SND1: variants seen among roughly 807,000 people sequenced by gnomAD.
SND1 encodes the protein staphylococcal nuclease domain-containing protein 1.
Under a neutral mutation model 121.7 loss-of-function variants are expected in SND1, and 38 were observed. The ratio of observed to expected loss-of-function variants is 0.31; its 90% CI spans 0.24 to 0.41. SND1 has a LOEUF of 0.41. SND1 is among the 10% of genes least tolerant of loss of function. The pLI is 1.00. For synonymous variants in SND1, 401 were observed against 447.4 expected (o/e 0.90, Z 1.31); for missense variants, 868 against 1,184.6 (o/e 0.73, Z 3.92).
intron 14 of SND1, among the ~76,000 whole-genome samples, chr7:127,905,088 G>A (rs1243427810): frequency 6.6e-6 from 1 of 152,096 alleles, no homozygotes; most frequent in African/African-American, 2.4e-5. Context: ...TTTTGAGTTT[G>A]GAAGGTAGTT....
chr7:127,775,057 T>C (rs1478314407), intron 10 of SND1, among the ~76,000 whole-genome samples: 1 of 152,186 alleles, frequency 6.6e-6, no homozygotes, highest in Non-Finnish European at 1.5e-5. Context: ...TGTGTTCTGA[T>C]AAAAATAAGT....
intron 15 of SND1, among the ~76,000 whole-genome samples, chr7:127,962,785 T>A (rs879780988): frequency 2.6e-5 from 4 of 152,178 alleles, no homozygotes; most frequent in Non-Finnish European, 5.9e-5. Flanking sequence ...TTGTCATAGT[T>A]ACAGACTGTG....
intron 16 of SND1, among the ~76,000 whole-genome samples, chr7:128,047,209 A>G (rs1792964512): frequency 6.6e-6 from 1 of 152,212 alleles, no homozygotes; most frequent in Admixed American, 6.5e-5. Context: ...ACGAGAAAAA[A>G]GGATGGGCAC....
chr7:127,759,479 C>G (rs1402659982), intron 10 of SND1, among the ~76,000 whole-genome samples: 2 of 152,066 alleles, frequency 1.3e-5, no homozygotes. Flanking sequence ...CCATTTCTTG[C>G]TTTGTGGGAT....
intron 9 of SND1, among the ~76,000 whole-genome samples, chr7:127,712,675 T>C (rs990320410): frequency 2.6e-5 from 4 of 152,212 alleles, no homozygotes; most frequent in Non-Finnish European, 4.4e-5. Context: ...TGGAGTAAGT[T>C]ACTACTCATC....
At chr7:127,791,628 C>T (rs1349569255) in intron 10 of SND1, among the ~76,000 whole-genome samples, 1 of 152,180 alleles carries the variant, frequency 6.6e-6, no homozygotes, top group African/African-American at 2.4e-5. Flanking sequence ...TTTCCCTTTT[C>T]CCCTTCTCTT....
chr7:127,951,015 C>CA (rs1164242885), intron 15 of SND1, among the ~76,000 whole-genome samples: 12 of 151,930 alleles, frequency 7.9e-5, no homozygotes, highest in South Asian at 2.1e-4. Context: ...GGAGATTCCT[C>CA]AAAAAAAATT....
intron 16 of SND1, among the ~76,000 whole-genome samples, chr7:128,035,408 C>G (rs1792730081): frequency 6.6e-6 from 1 of 152,210 alleles, no homozygotes; most frequent in Admixed American, 6.5e-5. Flanking sequence ...TGGAGCAGAG[C>G]AAATCGGACT....
chr7:127,723,462 G>A (rs1796531113), intron 10 of SND1, among the ~76,000 whole-genome samples: 1 of 151,926 alleles, frequency 6.6e-6, no homozygotes, highest in Non-Finnish European at 1.5e-5. Flanking sequence ...GTAAGACTTA[G>A]CTGCAATAAT....
At chr7:127,973,632 C>T (rs1000643594) in intron 15 of SND1, among the ~76,000 whole-genome samples, 1 of 152,214 alleles carries the variant, frequency 6.6e-6, no homozygotes, top group African/African-American at 2.4e-5. Context: ...CAGCCACACC[C>T]ATTCACTGCT....
In SND1 at chr7:127,922,175, C is replaced by CTTTTTTTTTTTTTTTTTTTTTTTTT. The variant is rs1158535023; in HGVS notation, c.1528-7009_1528-6985dup. Among the ~76,000 whole-genome samples, 10 of 57,194 alleles carry CTTTTTTTTTTTTTTTTTTTTTTTTT rather than the reference C, an allele frequency of 1.7e-4. 1 individual carries two copies. The highest frequency in any genetic ancestry group is 2.1e-4 in the Non-Finnish European group (7 of 32,956). 37.5% of individuals were successfully genotyped at this position (57,194 alleles called of 152,430 possible). ...CCAGCTGATTTTCTTTTTTTCTTTC[C>CTTTTTTTTTTTTTTTTTTTTTTTTT]TTTTTTTTTTTTTTTTTTTTTTTTT... is the stretch of plus-strand genomic sequence containing the variant. On this transcript the variant is annotated intron_variant, in intron 14 of 23. Coordinates refer to ENST00000354725, the MANE Select transcript of SND1 (RefSeq NM_014390.4).
At chr7:127,758,726 T>C (rs1050864120) in intron 10 of SND1, among the ~76,000 whole-genome samples, 2 of 152,116 alleles carry the variant, frequency 1.3e-5, no homozygotes, top group African/African-American at 4.8e-5. Context: ...GACATAGCAA[T>C]TTTCAAAGGG....
chr7:127,922,861 T>C (rs1800747785), intron 14 of SND1, among the ~76,000 whole-genome samples: 1 of 152,244 alleles, frequency 6.6e-6, no homozygotes. Flanking sequence ...TCTTGACTCA[T>C]GCTCCCAGAA....
At chr7:127,904,719 A>T in intron 13 of SND1, 28 bp from the exon 14 acceptor site, 1 of 1,510,414 alleles carries the variant, frequency 6.6e-7, no homozygotes, top group Non-Finnish European at 9.2e-7. Context: ...TTCTTGTTTT[A>T]ATCGGTTTTT....
At chr7:127,786,172 A>G (rs903021280) in intron 10 of SND1, among the ~76,000 whole-genome samples, 2 of 152,090 alleles carry the variant, frequency 1.3e-5, no homozygotes, top group Non-Finnish European at 1.5e-5. Flanking sequence ...CCACACTGCA[A>G]CTTAAAATTT....
chr7:127,711,395 C>T (rs1562987310), intron 9 of SND1, among the ~76,000 whole-genome samples: 1 of 152,144 alleles, frequency 6.6e-6, no homozygotes, highest in Non-Finnish European at 1.5e-5. Flanking sequence ...AGTCATTTTC[C>T]ATTAGAATTG....
chr7:127,977,883 G>A (rs1157272444), intron 15 of SND1, among the ~76,000 whole-genome samples: 1 of 152,182 alleles, frequency 6.6e-6, no homozygotes, highest in Non-Finnish European at 1.5e-5. Context: ...TTCAGCCCAA[G>A]AGGATGGTCA....
At chr7:128,038,216 T>C (rs1792787631) in intron 16 of SND1, among the ~76,000 whole-genome samples, 2 of 152,378 alleles carry the variant, frequency 1.3e-5, no homozygotes, top group Admixed American at 6.5e-5. Context: ...CAATATTTTT[T>C]CCCAAATGGA....
At position 127,873,994 on chromosome 7, in the gene SND1, C is replaced by T. The variant is rs116621149; in HGVS notation, c.1344-13908C>T. ...GGAAAATAGATGGAGAACAGGGCTC[C>T]TGCAAAGGGCCAAGAAGCAGGATGC... is the stretch of plus-strand genomic sequence containing the variant. On this transcript the variant is annotated intron_variant, in intron 12 of 23. Coordinates refer to ENST00000354725, the MANE Select transcript of SND1 (RefSeq NM_014390.4). Among the ~76,000 whole-genome samples the T allele has an allele frequency of 2.6e-3, 390 of 152,262 alleles. 4 individuals are homozygous for T. Among genetic ancestry groups the T allele is most frequent in the African/African-American group, 9.2e-3 (382 of 41,556 alleles).
Sources: gnomAD v4.1 joint callset for allele counts (sites outside exome capture counted in the v4.1 genomes callset) on GRCh38, gnomAD v4.1.1 for gene constraint, MANE v1.5 for transcripts, NCBI Gene and HGNC (gene_info 2026-07-23, HGNC 2026-07-21) for gene names.